Variants in RAPGEF4 observed in about 807,000 individuals in gnomAD.
RAPGEF4 encodes Rap guanine nucleotide exchange factor 4.
A neutral mutation model predicts 147.9 loss-of-function variants in RAPGEF4; 66 were observed. The ratio of observed to expected loss-of-function variants is 0.45; its 90% CI spans 0.37 to 0.55. The LOEUF is 0.55. RAPGEF4 is among the 20% of genes least tolerant of loss of function. The pLI, the probability that RAPGEF4 is intolerant of heterozygous loss-of-function variation, is 0.00. For missense variants in RAPGEF4, 1,071 were observed against 1,257.3 expected, an observed-to-expected ratio of 0.85 and a Z score of 2.24; for synonymous variants, 419 against 442.7, an observed-to-expected ratio of 0.95 and a Z score of 0.67.
chr2:173,030,544 C>G (rs984375076), intron 26 of RAPGEF4, among the ~76,000 whole-genome samples: 1 of 152,094 alleles, frequency 6.6e-6, no homozygotes, highest in Non-Finnish European at 1.5e-5. Flanking sequence ...CATGAAGGAC[C>G]CACATTGCTG....
intron 6 of RAPGEF4, among the ~76,000 whole-genome samples, chr2:172,939,894 A>G (rs888555990): frequency 2.0e-5 from 3 of 152,056 alleles, no homozygotes; most frequent in African/African-American, 7.2e-5. Flanking sequence ...TCTTCTCTCC[A>G]TTGAATTGTC....
rs201253853 is a variant in RAPGEF4, at chr2:172,988,279, A to G, written c.1227+7A>G. The G allele has an allele frequency of 6.2e-6, 10 of 1,605,090 alleles. No individual in the cohort carries two copies. The highest frequency in any genetic ancestry group is 8.5e-6 in the Non-Finnish European group (10 of 1,178,076). On this transcript the variant is annotated splice_region_variant and intron_variant, in intron 13 of 30. Transcript: ENST00000397081. Reference sequence around the variant, plus strand: ...TGTAGTCATTTACGGCAAGGTATATATATCTTTTTCTTTTTGAAACTTTAT... The same window carrying G: ...TGTAGTCATTTACGGCAAGGTATATGTATCTTTTTCTTTTTGAAACTTTAT...
chr2:172,758,376 A>G (rs1008455509), intron 1 of RAPGEF4, among the ~76,000 whole-genome samples: 13 of 152,192 alleles, frequency 8.5e-5, no homozygotes, highest in Non-Finnish European at 1.6e-4. Context: ...TCTGAGTGAA[A>G]TAGGAGCCAT....
At chr2:172,909,184 A>C (rs1023973872) in intron 4 of RAPGEF4, among the ~76,000 whole-genome samples, 1 of 152,118 alleles carries the variant, frequency 6.6e-6, no homozygotes, top group African/African-American at 2.4e-5. Flanking sequence ...GGCCTTGTAG[A>C]AGCTTCTCTG....
chr2:172,973,806 A>T lies in RAPGEF4; in HGVS notation c.1004+6362A>T, dbSNP rs535801299. Among the ~76,000 whole-genome samples the T allele has an allele frequency of 1.6e-4, 25 of 152,304 alleles. 2 individuals carry two copies. The South Asian group carries it at 5.2e-3, about 32-fold the overall frequency. On this transcript the variant is annotated intron_variant, in intron 10 of 30. Transcript: ENST00000397081. ...AAAGCCAGATACTGAGTTTTATGAG[A>T]TTATGTTTGTTATAGTTTGAAATGA... is the stretch of plus-strand genomic sequence containing the variant.
At chr2:172,875,091 G>T (rs912999503) in intron 4 of RAPGEF4, among the ~76,000 whole-genome samples, 23 of 152,152 alleles carry the variant, frequency 1.5e-4, no homozygotes, top group Non-Finnish European at 2.5e-4. Context: ...TTTTGATGGG[G>T]TTGTTTGTTT....
At position 173,026,734 on chromosome 2, in the gene RAPGEF4, A is replaced by G. The variant is rs758322224; in HGVS notation, c.2379+37A>G. On this transcript the variant is annotated intron_variant, in intron 24 of 30. Transcript: ENST00000397081. ...GATCAGATGTGTTAGTAGCTGAGAT[A>G]GCAAGGATAAAGGCTGCTGGCATTG... The G allele has an allele frequency of 8.1e-6, 13 of 1,609,502 alleles. No homozygotes were observed. The East Asian group carries it at 2.2e-4, about 28-fold the overall frequency.
intron 4 of RAPGEF4, among the ~76,000 whole-genome samples, chr2:172,865,170 C>T (rs185007762): frequency 1.4e-4 from 21 of 152,186 alleles, no homozygotes; most frequent in Non-Finnish European, 2.9e-4. Flanking sequence ...TCACTGGACC[C>T]CTCGGCACAA....
At chr2:172,934,041 G>A (rs533096690) in intron 6 of RAPGEF4, among the ~76,000 whole-genome samples, 6 of 151,502 alleles carry the variant, frequency 4.0e-5, no homozygotes, top group South Asian at 2.1e-4. Context: ...CTTTTTCCTC[G>A]AGTAAATTAA....
intron 1 of RAPGEF4, among the ~76,000 whole-genome samples, chr2:172,747,649 G>T (rs1319278269): frequency 1.3e-5 from 2 of 152,080 alleles, no homozygotes; most frequent in Non-Finnish European, 2.9e-5. Context: ...ATTTTTAGTA[G>T]AGACATGGTC....
intron 2 of RAPGEF4, among the ~76,000 whole-genome samples, chr2:172,795,731 A>AG (rs1317134424): frequency 6.6e-6 from 1 of 152,230 alleles, no homozygotes; most frequent in Non-Finnish European, 1.5e-5. Flanking sequence ...TTATACAAGA[A>AG]GAAAAAAAAA....
At chr2:172,836,911 T>C (rs1316421154) in intron 4 of RAPGEF4, among the ~76,000 whole-genome samples, 1 of 152,164 alleles carries the variant, frequency 6.6e-6, no homozygotes, top group Non-Finnish European at 1.5e-5. Flanking sequence ...ATTGTTAGAG[T>C]TTATTCAGAG....
rs562045718 is a variant in RAPGEF4, at chr2:172,917,858, G to A, written c.501G>A (p.Thr167=). The change falls in exon 5 of 31, where the codon ACG becomes ACA. Residue 167 remains threonine (T), a synonymous_variant. Coordinates refer to ENST00000397081, the MANE Select transcript of RAPGEF4 (RefSeq NM_007023.4). ...LLAPPYGVME[T]GSNNDRIPDK... is the part of the protein sequence containing the mutation. ...CTCCTCCTTATGGTGTTATGGAAAC[G>A]GGCTCTAACAATGACAGTAAGTGGA... 6 of 1,613,520 alleles carry A rather than the reference G, an allele frequency of 3.7e-6. No homozygotes were observed. Among genetic ancestry groups the A allele is most frequent in the East Asian group, 2.2e-5 (1 of 44,882 alleles).
chr2:172,990,325 C>A (rs534729723), intron 14 of RAPGEF4, among the ~76,000 whole-genome samples: 2 of 152,056 alleles, frequency 1.3e-5, no homozygotes, highest in African/African-American at 4.8e-5. Context: ...TTAAAATAAC[C>A]AAAAATAGTT....
At chr2:172,779,496 G>C (rs983918760) in intron 1 of RAPGEF4, among the ~76,000 whole-genome samples, 2 of 152,184 alleles carry the variant, frequency 1.3e-5, no homozygotes, top group Non-Finnish European at 2.9e-5. Context: ...CAAGACACGA[G>C]TGTGTTTGGA....
At chr2:172,831,450 G>C (rs757954387) in intron 4 of RAPGEF4, among the ~76,000 whole-genome samples, 1 of 151,348 alleles carries the variant, frequency 6.6e-6, no homozygotes, top group African/African-American at 2.4e-5. Context: ...TGTATGTTTA[G>C]TAGAGATGGA....
intron 6 of RAPGEF4, among the ~76,000 whole-genome samples, chr2:172,948,145 A>G (rs1469863632): frequency 3.3e-5 from 5 of 152,148 alleles, no homozygotes; most frequent in Admixed American, 6.5e-5. Flanking sequence ...ATGGGACTAC[A>G]TGATGTATTG....
intron 4 of RAPGEF4, among the ~76,000 whole-genome samples, chr2:172,869,208 A>G (rs1559086331): frequency 6.6e-6 from 1 of 152,230 alleles, no homozygotes; most frequent in Non-Finnish European, 1.5e-5. Context: ...CCTCAATGAG[A>G]TAACACAGGA....
chr2:173,011,118 G>A (rs1375306427), intron 17 of RAPGEF4, among the ~76,000 whole-genome samples: 1 of 150,706 alleles, frequency 6.6e-6, no homozygotes, highest in Non-Finnish European at 1.5e-5. Context: ...CAGCCCTGGT[G>A]ACTAAACATG....
Sources: allele counts gnomAD v4.1 joint callset (sites outside exome capture counted in the v4.1 genomes callset), GRCh38; gene constraint gnomAD v4.1.1; transcripts MANE v1.5; gene names NCBI Gene and HGNC (gene_info 2026-07-23, HGNC 2026-07-21).